Variants in CAST observed in about 807,000 individuals in gnomAD.
CAST encodes calpastatin.
A neutral mutation model predicts 119.6 loss-of-function variants in CAST; 76 were observed. The observed-to-expected ratio is 0.64, with a 90% CI of 0.53 to 0.77. CAST has a LOEUF of 0.77. CAST is among the 30% of genes least tolerant of loss of function. The pLI is 0.00. For synonymous variants in CAST, 319 were observed against 331.6 expected, an observed-to-expected ratio of 0.96 and a Z score of 0.41; for missense variants, 953 against 946.5, an observed-to-expected ratio of 1.01 and a Z score of -0.09.
chr5:96,359,972 A>G, the CAST span, among the ~76,000 whole-genome samples: 15 of 152,288 alleles, frequency 9.8e-5, no homozygotes, highest in East Asian at 1.9e-4. Context: ...AGGTACACCA[A>G]TCAAACATAG....
chr5:96,634,247 C>T (rs1034418219), intron 1 of CAST, among the ~76,000 whole-genome samples: 5 of 152,140 alleles, frequency 3.3e-5, no homozygotes, highest in Non-Finnish European at 7.3e-5. Context: ...TTGGCTTAAC[C>T]TTTATCATAG....
rs565789423 is a variant in CAST at position 96,762,462 on chromosome 5, T to A, written c.1932+90T>A. 1,014 of 833,908 alleles carry A rather than the reference T, an allele frequency of 1.2e-3. 5 individuals carry two copies. The highest frequency in any genetic ancestry group is 9.6e-4 in the Non-Finnish European group (523 of 543,438). 51.7% of individuals were successfully genotyped at this position (833,908 alleles called of 1,614,324 possible). ...GGCGCCTGTTTAAAGCAAATGAAAATAGGCAGAATTATTAGGAAGATCAGG... is the reference window on the plus strand; with the variant it reads ...GGCGCCTGTTTAAAGCAAATGAAAAAAGGCAGAATTATTAGGAAGATCAGG... On this transcript the variant is annotated intron_variant, in intron 25 of 31. Transcript: ENST00000675179.
chr5:96,466,156 T>C, the CAST span, among the ~76,000 whole-genome samples: 1 of 152,086 alleles, frequency 6.6e-6, no homozygotes, highest in African/African-American at 2.4e-5. Flanking sequence ...CTAACTAGAG[T>C]ACTATCTGTA....
chr5:96,091,309 T>G, the CAST span, among the ~76,000 whole-genome samples: 1 of 149,484 alleles, frequency 6.7e-6, no homozygotes, highest in Non-Finnish European at 1.5e-5. Flanking sequence ...TTCAAGCGAT[T>G]CTCCTGCCTC....
In CAST at chr5:96,736,166, C is replaced by T; in HGVS notation, c.631-6C>T. On this transcript the variant is annotated splice_region_variant and splice_polypyrimidine_tract_variant and intron_variant, in intron 9 of 31. Transcript: ENST00000675179. ...GAGGAGTTGTTAATTTCTCAATTCT[C>T]ACCAGAAAAAAGAAAAGAAATCATT... 6.3e-7 allele frequency: 1 copy of T among 1,599,656 alleles called. No individual in the cohort carries two copies. Among genetic ancestry groups the T allele is most frequent in the Non-Finnish European group, 8.6e-7 (1 of 1,169,520 alleles).
At chr5:96,227,611 GA>G in the CAST span, among the ~76,000 whole-genome samples, 3 of 152,180 alleles carry the variant, frequency 2.0e-5, no homozygotes, top group Non-Finnish European at 4.4e-5. Context: ...TAGAGAGGGG[GA>G]AAAAGTGCCA....
chr5:96,472,470 T>C, the CAST span, among the ~76,000 whole-genome samples: 65,559 of 151,964 alleles, frequency 0.43, 14,283 homozygotes, highest in East Asian at 0.51. Flanking sequence ...AATATCACAT[T>C]GTAGGCACTC....
the CAST span, among the ~76,000 whole-genome samples, chr5:96,228,868 TAATAA>T: frequency 6.6e-6 from 1 of 152,152 alleles, no homozygotes; most frequent in Non-Finnish European, 1.5e-5. Flanking sequence ...TAAAGAGTAA[TAATAA>T]AATATATAGG....
At chr5:96,550,643 C>A (rs1055121816) in intron 1 of CAST, among the ~76,000 whole-genome samples, 1 of 152,104 alleles carries the variant, frequency 6.6e-6, no homozygotes, top group Non-Finnish European at 1.5e-5. Context: ...TGTTCTAAAC[C>A]ATCTCAAGGA....
the CAST span, among the ~76,000 whole-genome samples, chr5:96,371,737 T>A: frequency 6.6e-6 from 1 of 152,160 alleles, no homozygotes; most frequent in Non-Finnish European, 1.5e-5. Flanking sequence ...GGAATTTTGA[T>A]CATGAGCCTA....
chr5:95,980,170 G>A, the CAST span, among the ~76,000 whole-genome samples: 2 of 152,022 alleles, frequency 1.3e-5, no homozygotes, highest in Non-Finnish European at 2.9e-5. Context: ...AAAAGTAGAA[G>A]TGTTACGCTG....
chr5:96,091,082 C>A, the CAST span, among the ~76,000 whole-genome samples: 1 of 152,134 alleles, frequency 6.6e-6, no homozygotes, highest in Admixed American at 6.5e-5. Flanking sequence ...TACTTATTGC[C>A]GTCTGTTTGT....
chr5:96,243,309 A>ATT, the CAST span, among the ~76,000 whole-genome samples: 4 of 145,618 alleles, frequency 2.7e-5, no homozygotes. Context: ...TCAATAGAGA[A>ATT]TTTTTTTTTT....
At chr5:96,303,535 C>A in the CAST span, among the ~76,000 whole-genome samples, 1 of 152,078 alleles carries the variant, frequency 6.6e-6, no homozygotes, top group Non-Finnish European at 1.5e-5. Context: ...TAGGTATACA[C>A]GTACCATGGT....
chr5:96,324,896 T>C, the CAST span, among the ~76,000 whole-genome samples: 1 of 152,204 alleles, frequency 6.6e-6, no homozygotes, highest in Non-Finnish European at 1.5e-5. Context: ...ATCCTTTCTA[T>C]ATTTGTATAA....
intron 25 of CAST, chr5:96,762,972 T>C (rs763457521): frequency 5.1e-6 from 3 of 585,314 alleles, no homozygotes; most frequent in Non-Finnish European, 9.2e-6. Flanking sequence ...CAGACTTCCT[T>C]GACTAATCAC....
chr5:96,662,519 G>C (rs1748678005), intron 1 of CAST, 22 bp downstream of exon 1: 1 of 1,359,202 alleles, frequency 7.4e-7, no homozygotes, highest in African/African-American at 1.5e-5. Flanking sequence ...TCCTGTCGGC[G>C]TCGCGGGGCT....
the CAST span, among the ~76,000 whole-genome samples, chr5:96,070,837 G>A: frequency 6.6e-6 from 1 of 152,188 alleles, no homozygotes; most frequent in East Asian, 1.9e-4. Flanking sequence ...GTAACCCTAG[G>A]AACATCTGCC....
intron 3 of CAST, chr5:96,702,733 G>A (rs745470107): frequency 8.6e-5 from 84 of 981,832 alleles, no homozygotes; most frequent in Non-Finnish European, 9.9e-5. Context: ...GGCTCCCGGG[G>A]CGGGGCCGCC....
Sources: gnomAD v4.1 joint callset for allele counts (sites outside exome capture counted in the v4.1 genomes callset) on GRCh38, gnomAD v4.1.1 for gene constraint, MANE v1.5 for transcripts, NCBI Gene and HGNC (gene_info 2026-07-23, HGNC 2026-07-21) for gene names.